The following SUMO2 variants were observed in gnomAD, a reference collection of about 807,000 sequenced individuals.
The protein encoded by SUMO2 is small ubiquitin-related modifier 2.
A neutral mutation model predicts 16.0 loss-of-function variants in SUMO2; 1 was observed. The ratio of observed to expected loss-of-function variants is 0.06; its 90% CI spans 0.02 to 0.30. The LOEUF is 0.30. Among genes scored for constraint, SUMO2 ranks in the 10% least tolerant of loss-of-function variants. The probability of loss-of-function intolerance (pLI) is 1.00; values close to 1 mark genes in which losing one functional copy is unlikely to be tolerated. For missense variants in SUMO2, 16 were observed against 117.5 expected (o/e 0.14, Z 3.99); for synonymous variants, 36 against 40.6 (o/e 0.89, Z 0.43).
At chr17:75,177,474 T>C (rs1598226413) in intron 2 of SUMO2, among the ~76,000 whole-genome samples, 1 of 149,012 alleles carries the variant, frequency 6.7e-6, no homozygotes, top group South Asian at 2.1e-4. Context: ...AGGTCAGGAG[T>C]TTCAGAGCAG....
At chr17:75,180,441 G>A (rs947975722) in intron 2 of SUMO2, among the ~76,000 whole-genome samples, 10 of 137,984 alleles carry the variant, frequency 7.2e-5, no homozygotes, top group Non-Finnish European at 1.2e-4. Context: ...GGTTTGGCGC[G>A]GTGGCTCATG....
rs746519441 is a variant in SUMO2 at position 75,169,385 on chromosome 17, AT to A, written c.226-985del. On this transcript the variant is annotated intron_variant, in intron 3 of 3. Transcript: ENST00000420826. ...GACACCCCATCCCTATTAAAAAAAA[AT>A]TTTTTTTTTTTTTTTGAGACGGAGT... is the stretch of plus-strand genomic sequence containing the variant. Among the ~76,000 whole-genome samples, 454 of 141,768 alleles carry A rather than the reference AT, an allele frequency of 3.2e-3. 1 individual carries two copies. Among genetic ancestry groups the A allele is most frequent in the Middle Eastern group, 7.1e-3 (2 of 282 alleles). 93.0% of individuals were successfully genotyped at this position (141,768 alleles called of 152,430 possible).
At chr17:75,174,451 C>G (rs1348760418) in intron 3 of SUMO2, among the ~76,000 whole-genome samples, 1 of 152,196 alleles carries the variant, frequency 6.6e-6, no homozygotes, top group Admixed American at 6.6e-5. Flanking sequence ...ATAATCCCAT[C>G]ACTTTGGGAG....
intron 2 of SUMO2, 73 bp downstream of exon 2, chr17:75,180,984 G>C: frequency 6.3e-7 from 1 of 1,580,104 alleles, no homozygotes; most frequent in Admixed American, 1.7e-5. Context: ...TGCTAGTCTA[G>C]TTTTTGTTCC....
intron 3 of SUMO2, among the ~76,000 whole-genome samples, chr17:75,170,107 G>T (rs1324215832): frequency 6.6e-6 from 1 of 151,850 alleles, no homozygotes; most frequent in African/African-American, 2.4e-5. Context: ...AACCCAGGAG[G>T]TGGAGGTTGC....
Position 75,180,411 on chromosome 17 carries a change from A to AAAAC in SUMO2, c.153+645_153+646insGTTT, listed in dbSNP as rs1555655456. Among the ~76,000 whole-genome samples the AAAAC allele has an allele frequency of 1.5e-3, 215 of 143,720 alleles. 3 individuals carry two copies. Among genetic ancestry groups the AAAAC allele is most frequent in the Middle Eastern group, 3.7e-3 (1 of 268 alleles). The allele number at this position is 143,720 out of a possible 152,430, so 94.3% of individuals were successfully genotyped here. On this transcript the variant is annotated intron_variant, in intron 2 of 3. Coordinates refer to ENST00000420826, the MANE Select transcript of SUMO2 (RefSeq NM_006937.4). The stretch of plus-strand genomic sequence containing the variant: ...CCAGCTTAAAAAAAAAAAAAAAAAA[A>AAAAC]AAAAAAAAAACGACTTCTTGGTTTG...
intron 1 of SUMO2, among the ~76,000 whole-genome samples, chr17:75,181,405 T>C (rs930624806): frequency 3.9e-5 from 6 of 152,176 alleles, no homozygotes; most frequent in African/African-American, 1.2e-4. Context: ...AAAGCCTACA[T>C]GCAATACTAT....
rs796178767 is a variant in SUMO2, at chr17:75,169,068, G to GA, written c.226-668dup. 8.6e-3 allele frequency among the ~76,000 whole-genome samples: 1,184 copies of GA among 137,104 alleles called. 7 individuals are homozygous for GA. The highest frequency in any genetic ancestry group is 0.023 in the African/African-American group (860 of 37,436). 89.9% of individuals were successfully genotyped at this position (137,104 alleles called of 152,430 possible). On this transcript the variant is annotated intron_variant, in intron 3 of 3. Coordinates refer to ENST00000420826, the MANE Select transcript of SUMO2 (RefSeq NM_006937.4). Reference sequence around the variant, plus strand: ...ACAACATCTCTACAAAAAAAAAAAGGAAAAAAAAAAAAAATTAGCCAGCCA... The same window carrying GA: ...ACAACATCTCTACAAAAAAAAAAAGGAAAAAAAAAAAAAAATTAGCCAGCCA...
intron 2 of SUMO2, among the ~76,000 whole-genome samples, chr17:75,180,853 G>A (rs963391998): frequency 3.3e-5 from 5 of 152,008 alleles, no homozygotes. Context: ...CACAGGACTG[G>A]AACCACATAT....
chr17:75,175,355 C>T (rs7218706), intron 2 of SUMO2, among the ~76,000 whole-genome samples: 56,880 of 151,234 alleles, frequency 0.38, 11,513 homozygotes, highest in East Asian at 0.68. Context: ...GAGTCTTGCT[C>T]TGTCACTCAG....
chr17:75,181,521 C>A (rs924360491), intron 1 of SUMO2, among the ~76,000 whole-genome samples: 5 of 151,960 alleles, frequency 3.3e-5, no homozygotes, highest in Admixed American at 3.3e-4. Context: ...AATACTTTAC[C>A]CCCCAAAAAA....
At position 75,166,816 on chromosome 17, in the gene SUMO2, G is replaced by C. The variant is rs1442066293; in HGVS notation, c.*1523C>G. ...GACCTAAGACGGGAGGCTGAGGCAGGAGAATGGCGTGAACCCGGGAGGCGG... is the reference window on the plus strand; with the variant it reads ...GACCTAAGACGGGAGGCTGAGGCAGCAGAATGGCGTGAACCCGGGAGGCGG... On this transcript the variant is annotated 3_prime_UTR_variant, in exon 4 of 4. Coordinates refer to ENST00000420826, the MANE Select transcript of SUMO2 (RefSeq NM_006937.4). 6.6e-6 allele frequency: 1 copy of C among 152,182 alleles called. No individual in the cohort carries two copies. The highest frequency in any genetic ancestry group is 1.5e-5 in the Non-Finnish European group (1 of 68,284). The allele number at this position is 152,182 out of a possible 1,614,324, so 9.4% of individuals were successfully genotyped here.
At chr17:75,181,209 G>A in intron 1 of SUMO2, 21 bp from the exon 2 acceptor site, 1 of 1,610,218 alleles carries the variant, frequency 6.2e-7, no homozygotes, top group Non-Finnish European at 8.5e-7. Context: ...AAAAATAAAA[G>A]TATAATTTGG....
At chr17:75,181,723 C>T (rs2074830346) in intron 1 of SUMO2, among the ~76,000 whole-genome samples, 1 of 152,050 alleles carries the variant, frequency 6.6e-6, no homozygotes, top group African/African-American at 2.4e-5. Context: ...CGAAGAATAT[C>T]CCGATTCCCC....
At chr17:75,177,459 A>AC (rs1384692382) in intron 2 of SUMO2, among the ~76,000 whole-genome samples, 1 of 152,050 alleles carries the variant, frequency 6.6e-6, no homozygotes, top group African/African-American at 2.4e-5. Flanking sequence ...CAGGTGGATT[A>AC]CCTGAGGTCA....
At chr17:75,168,698 G>A (rs1253355735) in intron 3 of SUMO2, among the ~76,000 whole-genome samples, 1 of 151,968 alleles carries the variant, frequency 6.6e-6, no homozygotes, top group African/African-American at 2.4e-5. Flanking sequence ...CACCCCTCAG[G>A]TTCAAGCAAT....
intron 3 of SUMO2, among the ~76,000 whole-genome samples, chr17:75,173,194 T>C (rs923717158): frequency 2.0e-5 from 3 of 152,144 alleles, no homozygotes; most frequent in Non-Finnish European, 4.4e-5. Flanking sequence ...GACAGAGTTT[T>C]GCTCTATCGC....
chr17:75,177,264 G>A (rs1444486277), intron 2 of SUMO2, among the ~76,000 whole-genome samples: 1 of 152,058 alleles, frequency 6.6e-6, no homozygotes, highest in Non-Finnish European at 1.5e-5. Context: ...TTATTCAAGA[G>A]GCTGAGGCAG....
intron 2 of SUMO2, among the ~76,000 whole-genome samples, chr17:75,179,471 T>C (rs1017473175): frequency 2.5e-4 from 37 of 145,242 alleles, no homozygotes; most frequent in Non-Finnish European, 3.6e-4. Flanking sequence ...GAAGTTGCAG[T>C]GAGTCGAGAT....
Sources: gnomAD v4.1 joint callset for allele counts (sites outside exome capture counted in the v4.1 genomes callset) on GRCh38, gnomAD v4.1.1 for gene constraint, MANE v1.5 for transcripts, NCBI Gene and HGNC (gene_info 2026-07-23, HGNC 2026-07-21) for gene names.